ANK2: variants seen among roughly 807,000 people sequenced by gnomAD.
The protein encoded by ANK2 is ankyrin-2.
Under a neutral mutation model 360.5 loss-of-function variants are expected in ANK2, and 83 were observed. That is an observed-to-expected ratio of 0.23 (90% confidence interval 0.19 to 0.28). The LOEUF is 0.28. Ranked by LOEUF, ANK2 falls within the 10% of genes least tolerant of loss-of-function variation. The pLI is 1.00. For missense variants in ANK2, 4,201 were observed against 4,795.7 expected, an observed-to-expected ratio of 0.88 and a Z score of 3.66; for synonymous variants, 1,740 against 1,759.5, an observed-to-expected ratio of 0.99 and a Z score of 0.28.
chr4:112,926,485 A>T (rs1208309739), intron 2 of ANK2, among the ~76,000 whole-genome samples: 36 of 152,312 alleles, frequency 2.4e-4, no homozygotes, highest in Non-Finnish European at 1.8e-4. Flanking sequence ...GTCAGCATAA[A>T]TTATCAAAGA....
At chr4:113,318,710 G>A in intron 26 of ANK2, 90 bp downstream of exon 26, 1 of 1,143,552 alleles carries the variant, frequency 8.7e-7, no homozygotes, top group Non-Finnish European at 1.3e-6. Flanking sequence ...TTAGCTGGTG[G>A]CTAGCTTTAC....
intron 4 of ANK2, among the ~76,000 whole-genome samples, chr4:113,219,022 A>G (rs1402329122): frequency 6.6e-6 from 1 of 152,164 alleles, no homozygotes; most frequent in Non-Finnish European, 1.5e-5. Flanking sequence ...ATAGGCCTAT[A>G]CAAAGTAGTC....
At chr4:112,953,719 G>A (rs564391808) in intron 2 of ANK2, among the ~76,000 whole-genome samples, 3 of 152,306 alleles carry the variant, frequency 2.0e-5, no homozygotes, top group Admixed American at 2.0e-4. Flanking sequence ...CTCTGGCAGA[G>A]GTAGTTCTTT....
chr4:112,761,721 A>G, the ANK2 span, among the ~76,000 whole-genome samples: 1 of 152,352 alleles, frequency 6.6e-6, no homozygotes, highest in South Asian at 2.1e-4. Flanking sequence ...ATAAATGCCT[A>G]CAAAATGCTT....
rs775386505 is a variant in ANK2 at position 113,353,400 on chromosome 4, T to G, written c.4782T>G (p.Ile1594Met). The G allele has an allele frequency of 2.9e-5, 47 of 1,613,972 alleles. No individual in the cohort carries two copies. In the Admixed American group the frequency reaches 7.8e-4, roughly 27 times the overall value. ...ERGLVEEEWVIVSDEEIEEAR... is the reference protein window; with the variant it reads ...ERGLVEEEWVMVSDEEIEEAR... ...GATTAGTTGAAGAGGAATGGGTTATTGTCAGTGATGAGGAAATAGAAGAGG... is the reference window on the plus strand; with the variant it reads ...GATTAGTTGAAGAGGAATGGGTTATGGTCAGTGATGAGGAAATAGAAGAGG... Residue 1594 changes from isoleucine to methionine, a missense_variant, in exon 38 of 46, where the codon ATT (isoleucine) becomes ATG (methionine). Physicochemically the swap from Ile to Met is conservative, Grantham distance 10. Transcript: ENST00000357077.
chr4:112,912,837 G>A (rs1008582794), intron 2 of ANK2, among the ~76,000 whole-genome samples: 2 of 151,956 alleles, frequency 1.3e-5, no homozygotes, highest in African/African-American at 2.4e-5. Flanking sequence ...AACATAGTGA[G>A]ACCATGTCTT....
chr4:113,317,935 G>T, intron 25 of ANK2, 126 bp downstream of exon 25: 1 of 818,560 alleles, frequency 1.2e-6, no homozygotes, highest in Non-Finnish European at 2.1e-6. Context: ...TGAGAAGCTA[G>T]GATAAGAGAT....
Position 113,336,062 on chromosome 4 carries a change from G to A in ANK2, c.3591+5G>A. ...CGGATCCGCGTAGGCCTGCAGGTAT[G>A]CCCATGTTAGATGCAAATGATCCTA... On this transcript the variant is annotated splice_donor_5th_base_variant and intron_variant, in intron 30 of 45. Transcript: ENST00000357077. 1 of 1,613,282 alleles carries A rather than the reference G, an allele frequency of 6.2e-7. No individual in the cohort carries two copies. Among genetic ancestry groups the A allele is most frequent in the Non-Finnish European group, 8.5e-7 (1 of 1,179,782 alleles).
chr4:112,961,726 T>A (rs552086334), intron 2 of ANK2, among the ~76,000 whole-genome samples: 5 of 152,218 alleles, frequency 3.3e-5, no homozygotes, highest in African/African-American at 1.2e-4. Flanking sequence ...CCCTTTAAAT[T>A]ATTGTGTTGA....
chr4:113,227,263 A>G (rs2099235498), intron 4 of ANK2, among the ~76,000 whole-genome samples: 1 of 152,102 alleles, frequency 6.6e-6, no homozygotes, highest in South Asian at 2.1e-4. Flanking sequence ...TGTAACAATA[A>G]ACAATGCTCC....
chr4:113,089,417 A>G lies in ANK2; in HGVS notation c.84+39605A>G, dbSNP rs182146023. 1.8e-3 allele frequency among the ~76,000 whole-genome samples: 280 copies of G among 152,374 alleles called. 6 individuals are homozygous for G. The highest frequency in any genetic ancestry group is 0.017 in the Admixed American group (257 of 15,310). On this transcript the variant is annotated intron_variant, in intron 1 of 45. Coordinates refer to ENST00000357077, the MANE Select transcript of ANK2 (RefSeq NM_001148.6). ...TGAAGAAGATATTTGAAAGGAGGTA[A>G]TGAGCATGGAGATGCTTTGAAAACC... is the stretch of plus-strand genomic sequence containing the variant.
intron 1 of ANK2, 130 bp from the exon 2 acceptor site, chr4:113,174,286 A>C (rs2098109184): frequency 9.9e-6 from 7 of 703,960 alleles, no homozygotes; most frequent in Admixed American, 2.1e-5. Flanking sequence ...TCAATGTTTT[A>C]AACTCCGTAT....
intron 2 of ANK2, among the ~76,000 whole-genome samples, chr4:112,970,167 G>T (rs1229631545): frequency 6.6e-6 from 1 of 151,266 alleles, no homozygotes; most frequent in Non-Finnish European, 1.5e-5. Flanking sequence ...TGTATTTTTA[G>T]TAGAGACGGG....
chr4:113,094,295 C>T (rs1301389247), intron 1 of ANK2, among the ~76,000 whole-genome samples: 2 of 152,096 alleles, frequency 1.3e-5, no homozygotes, highest in Non-Finnish European at 2.9e-5. Flanking sequence ...TGCTGTTATG[C>T]TTAAGCATCA....
At chr4:113,343,999 T>C (rs1171255357) in intron 34 of ANK2, among the ~76,000 whole-genome samples, 1 of 152,190 alleles carries the variant, frequency 6.6e-6, no homozygotes, top group Non-Finnish European at 1.5e-5. Context: ...AACATGTGTC[T>C]GCAAACCTCT....
In ANK2 at chr4:112,856,946, CA is replaced by C. The variant is rs557450541; in HGVS notation, c.-40+38683del. 8.1e-4 allele frequency among the ~76,000 whole-genome samples: 124 copies of C among 152,228 alleles called. 1 individual carries two copies. The highest frequency in any genetic ancestry group is 2.8e-3 in the African/African-American group (116 of 41,540). ...AAATTACTGAGGAGACATCAAGGGT[CA>C]GGGGGTTGTTGCCAAAACAACTTAA... On this transcript the variant is annotated intron_variant, in intron 1 of 30. Coordinates refer to the ANK2 transcript ENST00000503271.
intron 32 of ANK2, among the ~76,000 whole-genome samples, chr4:113,340,722 AC>A (rs2094178436): frequency 1.4e-5 from 2 of 140,028 alleles, no homozygotes; most frequent in African/African-American, 6.3e-5. Context: ...AAACAAACAA[AC>A]AAAAAACAAA....
intron 2 of ANK2, among the ~76,000 whole-genome samples, chr4:112,939,258 A>C (rs2094003490): frequency 1.3e-5 from 2 of 152,236 alleles, no homozygotes; most frequent in South Asian, 4.1e-4. Context: ...ATTTAGAAGA[A>C]ACTACAAATT....
chr4:113,111,533 G>A (rs542463386), intron 1 of ANK2, among the ~76,000 whole-genome samples: 1 of 151,986 alleles, frequency 6.6e-6, no homozygotes, highest in Admixed American at 6.6e-5. Flanking sequence ...AAAGTAAAAG[G>A]GCTAAGAAAT....
Sources: gnomAD v4.1 joint callset for allele counts (sites outside exome capture counted in the v4.1 genomes callset) on GRCh38, gnomAD v4.1.1 for gene constraint, MANE v1.5 for transcripts, NCBI Gene and HGNC (gene_info 2026-07-23, HGNC 2026-07-21) for gene names.